Variants in SIK3 observed in about 807,000 individuals in gnomAD.
SIK3 encodes serine/threonine-protein kinase SIK3.
In SIK3, 28 loss-of-function variants were observed where a neutral mutation model predicts 144.2. That is an observed-to-expected ratio of 0.19 (90% confidence interval 0.14 to 0.27). The LOEUF is 0.27. SIK3 is among the 10% of genes least tolerant of loss of function. The pLI is 1.00. For synonymous variants in SIK3, 686 were observed against 676.3 expected, an observed-to-expected ratio of 1.01 and a Z score of -0.22; for missense variants, 1,319 against 1,776.0, an observed-to-expected ratio of 0.74 and a Z score of 4.62.
At chr11:116,976,338 T>G (rs1482464938) in intron 1 of SIK3, among the ~76,000 whole-genome samples, 2 of 152,226 alleles carry the variant, frequency 1.3e-5, no homozygotes, top group African/African-American at 2.4e-5. Context: ...ATGTGAGAGC[T>G]AAAACTATAA....
At chr11:116,888,618 T>C (rs1377385908) in intron 6 of SIK3, among the ~76,000 whole-genome samples, 1 of 152,256 alleles carries the variant, frequency 6.6e-6, no homozygotes, top group Non-Finnish European at 1.5e-5. Flanking sequence ...AGCACATGTA[T>C]ATTACCAAGG....
chr11:117,042,001 C>A (rs1952762780), intron 1 of SIK3, among the ~76,000 whole-genome samples: 1 of 152,146 alleles, frequency 6.6e-6, no homozygotes, highest in South Asian at 2.1e-4. Context: ...CCTTTACTGG[C>A]CCACTTTTGT....
In SIK3 at chr11:116,867,465, A is replaced by G. The variant is rs542471851; in HGVS notation, c.1952+481T>C. ...AATGACCTCTTAAATACATCGCTCA[A>G]GAGGATCTCTGCTCTACTATTCAGA... On this transcript the variant is annotated intron_variant, in intron 15 of 24. Coordinates refer to ENST00000445177, the MANE Select transcript of SIK3 (RefSeq NM_001366686.3). The surrounding 1 kb of genome is among the most constrained non-coding windows in gnomAD (Gnocchi z 4.1). Among the ~76,000 whole-genome samples the G allele has an allele frequency of 1.3e-5, 2 of 152,328 alleles. No homozygotes were observed. Among genetic ancestry groups the G allele is most frequent in the South Asian group, 4.1e-4 (2 of 4,826 alleles).
At chr11:116,855,640 T>C (rs1377269882) in intron 21 of SIK3, 1 of 152,270 alleles carries the variant, frequency 6.6e-6, no homozygotes, top group Non-Finnish European at 1.5e-5. Flanking sequence ...GCAGCAGCAC[T>C]GTTTGCTGCA....
intron 21 of SIK3, among the ~76,000 whole-genome samples, chr11:116,855,022 G>T (rs1198859615): frequency 6.8e-6 from 1 of 146,314 alleles, no homozygotes; most frequent in Non-Finnish European, 1.5e-5. Flanking sequence ...GGAGGGGTAG[G>T]TTGCAGTGAG....
chr11:116,876,168 C>T, intron 8 of SIK3, 85 bp downstream of exon 8: 2 of 1,504,368 alleles, frequency 1.3e-6, no homozygotes, highest in Non-Finnish European at 1.8e-6. Context: ...AAAAAAGGCC[C>T]AAGTTCCCGA....
At chr11:116,989,026 TACA>T (rs1375071490) in intron 1 of SIK3, among the ~76,000 whole-genome samples, 1 of 151,892 alleles carries the variant, frequency 6.6e-6, no homozygotes, top group Non-Finnish European at 1.5e-5. Context: ...CAAATAAGAC[TACA>T]ATAAGTAAAG....
chr11:117,016,096 C>G (rs1229675973), intron 1 of SIK3: 1 of 151,882 alleles, frequency 6.6e-6, no homozygotes, highest in Admixed American at 6.6e-5. Context: ...GAGGCCAAGG[C>G]AGATAGATCA....
chr11:116,942,657 A>G (rs928810053), intron 3 of SIK3, among the ~76,000 whole-genome samples: 11 of 152,168 alleles, frequency 7.2e-5, no homozygotes, highest in Admixed American at 3.3e-4. Context: ...AGCCATGTGG[A>G]TATGTAGGAA....
rs1941809021 is a variant in SIK3, at chr11:116,844,656, TAATA to T, written c.*983_*986del. The T allele has an allele frequency of 1.7e-5, 2 of 115,988 alleles. No homozygotes were observed. Among genetic ancestry groups the T allele is most frequent in the African/African-American group, 6.5e-5 (2 of 30,792 alleles). The allele number at this position is 115,988 out of a possible 1,614,324, so 7.2% of individuals were successfully genotyped here. ...TATATTATATTATATATTATATATA[TAATA>T]TATATATACACATATATTATATTAT... On this transcript the variant is annotated 3_prime_UTR_variant, in exon 25 of 25. Coordinates refer to ENST00000445177, the MANE Select transcript of SIK3 (RefSeq NM_001366686.3).
chr11:117,095,719 G>A (rs900012), intron 1 of SIK3, among the ~76,000 whole-genome samples: 127,243 of 152,192 alleles, frequency 0.84, 53,798 homozygotes, highest in Non-Finnish European at 0.89. Context: ...CCCAGAGCAC[G>A]TGACAACTCC....
At chr11:116,976,458 T>C (rs547412172) in intron 1 of SIK3, among the ~76,000 whole-genome samples, 16 of 152,370 alleles carry the variant, frequency 1.1e-4, no homozygotes, top group African/African-American at 3.6e-4. Context: ...TATACACTTA[T>C]TCCAGCACTG....
At chr11:116,986,688 T>C (rs1459940456) in intron 1 of SIK3, among the ~76,000 whole-genome samples, 1 of 152,240 alleles carries the variant, frequency 6.6e-6, no homozygotes, top group Non-Finnish European at 1.5e-5. Context: ...AGTCACTAGC[T>C]ATTGTCATCA....
At chr11:116,850,324 G>A (rs1942328506) in intron 21 of SIK3, among the ~76,000 whole-genome samples, 1 of 152,084 alleles carries the variant, frequency 6.6e-6, no homozygotes, top group Non-Finnish European at 1.5e-5. Flanking sequence ...TACATTCTAA[G>A]CTCTAGTCAA....
At chr11:117,003,028 A>G (rs1950910238) in intron 1 of SIK3, among the ~76,000 whole-genome samples, 2 of 152,258 alleles carry the variant, frequency 1.3e-5, no homozygotes. Context: ...ACGCCGTGTC[A>G]AGTAAATGCT....
intron 1 of SIK3, among the ~76,000 whole-genome samples, chr11:117,069,139 G>A (rs1954147558): frequency 7.1e-6 from 1 of 141,668 alleles, no homozygotes; most frequent in African/African-American, 2.6e-5. Context: ...TAAAGGGGTA[G>A]GCTTGACAAT....
At chr11:116,933,860 C>T (rs75028828) in intron 3 of SIK3, among the ~76,000 whole-genome samples, 4,469 of 152,284 alleles carry the variant, frequency 0.029, 197 homozygotes, top group African/African-American at 0.1. Context: ...TTTGACCTTA[C>T]CTTCTTTCAC....
At chr11:117,024,256 T>C (rs1951918828) in intron 1 of SIK3, among the ~76,000 whole-genome samples, 1 of 151,674 alleles carries the variant, frequency 6.6e-6, no homozygotes, top group Non-Finnish European at 1.5e-5. Flanking sequence ...TTTTGTCAGT[T>C]GATTTTCAGC....
intron 1 of SIK3, 81 bp downstream of exon 1, chr11:117,098,062 G>T: frequency 8.4e-7 from 1 of 1,185,804 alleles, no homozygotes; most frequent in South Asian, 3.0e-5. Flanking sequence ...CGCGCTCGCC[G>T]CCCCGACCCC....
Sources: allele counts gnomAD v4.1 joint callset (sites outside exome capture counted in the v4.1 genomes callset), GRCh38; gene constraint gnomAD v4.1.1; non-coding constraint Gnocchi (gnomAD v3.1); transcripts MANE v1.5; gene names NCBI Gene and HGNC (gene_info 2026-07-23, HGNC 2026-07-21).